The following LRRC52 variants were observed in gnomAD, a reference collection of about 807,000 sequenced individuals.
LRRC52 encodes the protein leucine rich repeat containing 52, also known as leucine-rich repeat-containing protein 52.
LRRC52 carries 15 observed loss-of-function variants against 14.7 expected under a neutral mutation model. That is an observed-to-expected ratio of 1.02 (90% CI 0.68 to 1.58). The LOEUF (loss-of-function observed/expected upper bound fraction) is 1.58, where lower values mean the gene tolerates loss of function less well. Among genes scored for constraint, LRRC52 ranks in the 40% most tolerant of loss-of-function variants. The pLI is 0.00. For synonymous variants in LRRC52, 180 were observed against 163.9 expected (o/e 1.10, Z -0.75); for missense variants, 400 against 387.7 (o/e 1.03, Z -0.27).
Position 165,544,831 on chromosome 1 carries a change from C to G in LRRC52, c.535C>G (p.Leu179Val), listed in dbSNP as rs754871112. Residue 179 changes from leucine (L) to valine (V), a missense_variant, in exon 1 of 2, where the codon CTG becomes GTG. By Grantham distance (32) the Leu-to-Val change is conservative. Coordinates refer to ENST00000294818, the MANE Select transcript of LRRC52 (RefSeq NM_001005214.4). ...ATACCACCTCACTACTCTGGAGACC[C>G]TGTTTCTGAGTGGAAACCCCTGGAA... ...ALYHLTTLET[L>V]FLSGNPWKCN... is the part of the protein sequence containing the mutation. 2.4e-5 allele frequency: 39 copies of G among 1,614,144 alleles called. No homozygotes were observed. The highest frequency in any genetic ancestry group is 3.2e-5 in the Non-Finnish European group (38 of 1,180,030).
intron 1 of LRRC52, among the ~76,000 whole-genome samples, chr1:165,556,584 C>T (rs552195145): frequency 6.6e-5 from 10 of 152,310 alleles, no homozygotes; most frequent in African/African-American, 2.4e-4. Flanking sequence ...AAGGTGAAGG[C>T]AGCATTAGAA....
intron 1 of LRRC52, among the ~76,000 whole-genome samples, chr1:165,554,484 C>A (rs566020515): frequency 6.6e-5 from 10 of 152,188 alleles, no homozygotes; most frequent in Admixed American, 6.5e-4. Flanking sequence ...TGCTCTGTTG[C>A]CCAGGCTGGA....
chr1:165,563,436 C>A, intron 1 of LRRC52, 69 bp from the exon 2 acceptor site: 3 of 1,400,596 alleles, frequency 2.1e-6, no homozygotes, highest in Middle Eastern at 2.2e-4. Flanking sequence ...CCCTCCTGAT[C>A]CCCTTTGGCC....
At position 165,563,721 on chromosome 1, in the gene LRRC52, C is replaced by T. The variant is rs769834651; in HGVS notation, c.839C>T (p.Ser280Leu). Residue 280 changes from serine (S) to leucine (L), a missense_variant, in exon 2 of 2, where the codon TCG (serine) becomes TTG (leucine). By Grantham distance (145) the Ser-to-Leu change is moderately radical. Coordinates refer to ENST00000294818, the MANE Select transcript of LRRC52 (RefSeq NM_001005214.4). ...AVLYQNTRHK[S>L]SEEDEDEAGT... is the part of the protein sequence containing the mutation. Reference sequence around the variant, plus strand: ...CTCTACCAGAACACCCGCCACAAGTCGAGTGAAGAAGATGAGGACGAGGCC... The same window carrying T: ...CTCTACCAGAACACCCGCCACAAGTTGAGTGAAGAAGATGAGGACGAGGCC... 3.1e-6 allele frequency: 5 copies of T among 1,614,194 alleles called. No homozygotes were observed. The highest frequency in any genetic ancestry group is 2.2e-5 in the East Asian group (1 of 44,880).
intron 1 of LRRC52, among the ~76,000 whole-genome samples, chr1:165,551,549 C>T (rs1037886930): frequency 2.6e-5 from 4 of 152,096 alleles, no homozygotes; most frequent in East Asian, 3.9e-4. Flanking sequence ...TAGAGTGGGG[C>T]GGTTTGAGGA....
intron 1 of LRRC52, among the ~76,000 whole-genome samples, chr1:165,552,870 T>G (rs1661161675): frequency 6.6e-6 from 1 of 151,918 alleles, no homozygotes; most frequent in African/African-American, 2.4e-5. Context: ...AAGGGAAAAA[T>G]CAATGGTAGC....
intron 1 of LRRC52, among the ~76,000 whole-genome samples, chr1:165,545,677 G>A (rs556177684): frequency 4.6e-5 from 7 of 152,148 alleles, no homozygotes; most frequent in East Asian, 3.9e-4. Context: ...CACTCTACCC[G>A]CTGTCCTCAC....
chr1:165,550,434 A>T (rs1438931055), intron 1 of LRRC52, among the ~76,000 whole-genome samples: 1 of 152,234 alleles, frequency 6.6e-6, no homozygotes, highest in East Asian at 1.9e-4. Flanking sequence ...GGCTAGAACA[A>T]ATGAACTGAA....
chr1:165,557,282 C>G (rs1557966359), intron 1 of LRRC52, among the ~76,000 whole-genome samples: 1 of 152,152 alleles, frequency 6.6e-6, no homozygotes, highest in Non-Finnish European at 1.5e-5. Flanking sequence ...AGCATCCATT[C>G]CTGCCTCCTT....
chr1:165,546,227 G>A (rs968623523), intron 1 of LRRC52, among the ~76,000 whole-genome samples: 2 of 19,490 alleles, frequency 1.0e-4, no homozygotes, highest in Admixed American at 1.6e-3. Flanking sequence ...CGAGTGCACT[G>A]AGAATAAGAC....
intron 1 of LRRC52, among the ~76,000 whole-genome samples, chr1:165,561,229 G>A (rs372622751): frequency 2.0e-5 from 3 of 152,190 alleles, no homozygotes; most frequent in African/African-American, 7.2e-5. Flanking sequence ...ATGGGGAAAC[G>A]TGTGTGATGT....
At chr1:165,551,969 G>T (rs1308926806) in intron 1 of LRRC52, among the ~76,000 whole-genome samples, 1 of 125,164 alleles carries the variant, frequency 8.0e-6, no homozygotes, top group Non-Finnish European at 1.6e-5. Flanking sequence ...AAAGACCAAA[G>T]GCTAAAAAAG....
Position 165,544,376 on chromosome 1 carries a change from C to T in LRRC52, c.80C>T (p.Pro27Leu), listed in dbSNP as rs1380713420. Reference protein sequence around the residue: ...GMGLVSGSKCPNNCLCQAQEV... With the variant: ...GMGLVSGSKCLNNCLCQAQEV... ...GGGCTGGTATCAGGGTCAAAGTGTC[C>T]AAATAATTGTCTGTGTCAAGCCCAA... Residue 27 changes from proline (P) to leucine (L), a missense_variant, in exon 1 of 2, where the codon CCA (proline) becomes CTA (leucine). Physicochemically the swap from Pro to Leu is moderately conservative, Grantham distance 98. Transcript: ENST00000294818. 4 of 1,613,934 alleles carry T rather than the reference C, an allele frequency of 2.5e-6. No homozygotes were observed. Among genetic ancestry groups the T allele is most frequent in the Non-Finnish European group, 3.4e-6 (4 of 1,180,016 alleles).
chr1:165,557,677 G>T (rs1188909542), intron 1 of LRRC52, among the ~76,000 whole-genome samples: 1 of 152,210 alleles, frequency 6.6e-6, no homozygotes, highest in Non-Finnish European at 1.5e-5. Context: ...TGTACATCTA[G>T]TGATATTTGG....
At chr1:165,554,990 G>C (rs936581426) in intron 1 of LRRC52, among the ~76,000 whole-genome samples, 5 of 152,228 alleles carry the variant, frequency 3.3e-5, no homozygotes, top group Non-Finnish European at 7.3e-5. Flanking sequence ...ACTGGGATCT[G>C]AGTACATGCA....
intron 1 of LRRC52, among the ~76,000 whole-genome samples, chr1:165,559,902 G>A (rs1319152905): frequency 2.6e-5 from 4 of 152,154 alleles, no homozygotes; most frequent in Non-Finnish European, 5.9e-5. Flanking sequence ...TGAGTGGCTG[G>A]AGCCTATCTT....
intron 1 of LRRC52, among the ~76,000 whole-genome samples, chr1:165,552,899 G>A (rs576654698): frequency 1.3e-5 from 2 of 152,266 alleles, no homozygotes; most frequent in African/African-American, 4.8e-5. Flanking sequence ...CTTTGGCTTG[G>A]ACAGTGTGGG....
intron 1 of LRRC52, among the ~76,000 whole-genome samples, chr1:165,556,351 C>T (rs1489668573): frequency 6.6e-6 from 1 of 151,210 alleles, no homozygotes; most frequent in Non-Finnish European, 1.5e-5. Flanking sequence ...CTATGAATCA[C>T]TTTTAACCTT....
intron 1 of LRRC52, among the ~76,000 whole-genome samples, chr1:165,559,565 A>G (rs996104252): frequency 1.4e-4 from 21 of 152,232 alleles, no homozygotes; most frequent in Non-Finnish European, 5.9e-5. Flanking sequence ...AAATCAGTAC[A>G]CCACCACAAC....
Sources: allele counts gnomAD v4.1 joint callset (sites outside exome capture counted in the v4.1 genomes callset), GRCh38; gene constraint gnomAD v4.1.1; transcripts MANE v1.5; gene names NCBI Gene and HGNC (gene_info 2026-07-23, HGNC 2026-07-21).